TDO2: variants seen among roughly 807,000 people sequenced by gnomAD.
The protein encoded by TDO2 is tryptamin 2,3-dioxygenase.
TDO2 carries 63 observed loss-of-function variants against 61.2 expected under a neutral mutation model. The observed-to-expected ratio is 1.03, with a 90% CI of 0.84 to 1.27. The LOEUF (loss-of-function observed/expected upper bound fraction) is 1.27. Among genes scored for constraint, TDO2 ranks in the 50% most tolerant of loss-of-function variants. The probability of loss-of-function intolerance (pLI) is 0.00; values close to 1 mark genes in which losing one functional copy is unlikely to be tolerated. For synonymous variants in TDO2, 183 were observed against 164.0 expected (o/e 1.12, Z -0.89); for missense variants, 494 against 469.5 (o/e 1.05, Z -0.48).
chr4:155,906,282 C>T (rs1277671783), intron 3 of TDO2: 1 of 152,142 alleles, frequency 6.6e-6, no homozygotes, highest in East Asian at 1.9e-4. Flanking sequence ...TATAAAAACA[C>T]TTTTCTTCTA....
Position 155,918,148 on chromosome 4 carries a change from G to A in TDO2, c.977-1G>A. 6.2e-7 allele frequency: 1 copy of A among 1,613,172 alleles called. No individual in the cohort carries two copies. Among genetic ancestry groups the A allele is most frequent in the Non-Finnish European group, 8.5e-7 (1 of 1,179,650 alleles). On this transcript the variant is annotated splice_acceptor_variant, in intron 10 of 11. Coordinates refer to ENST00000536354, the MANE Select transcript of TDO2 (RefSeq NM_005651.4). LOFTEE classifies it high-confidence loss of function. ...TGGAGTAAATTTGTATGTTTGCCTAGATAACCATGTGTGCATGGTGCACAG... is the reference window on the plus strand; with the variant it reads ...TGGAGTAAATTTGTATGTTTGCCTAAATAACCATGTGTGCATGGTGCACAG...
At chr4:155,917,877 C>A (rs1428066169) in intron 10 of TDO2, among the ~76,000 whole-genome samples, 1 of 152,018 alleles carries the variant, frequency 6.6e-6, no homozygotes, top group Non-Finnish European at 1.5e-5. Flanking sequence ...GGCATGGACT[C>A]ATGAGTCATA....
intron 8 of TDO2, among the ~76,000 whole-genome samples, 169 bp from the exon 9 acceptor site, chr4:155,915,686 T>A (rs1258084048): frequency 1.3e-5 from 2 of 152,230 alleles, no homozygotes; most frequent in Non-Finnish European, 2.9e-5. Flanking sequence ...AATTGTATTT[T>A]AAGTGATATG....
Position 155,905,163 on chromosome 4 carries a change from T to C in TDO2, c.232+6T>C. On this transcript the variant is annotated splice_donor_region_variant and intron_variant, in intron 3 of 11. Coordinates refer to ENST00000536354, the MANE Select transcript of TDO2 (RefSeq NM_005651.4). ...TTTTATCATAACTCATCAAGGTAAGTTGCACAAAGGTTTTGGACAATATTC... is the reference window on the plus strand; with the variant it reads ...TTTTATCATAACTCATCAAGGTAAGCTGCACAAAGGTTTTGGACAATATTC... 1 of 1,571,018 alleles carries C rather than the reference T, an allele frequency of 6.4e-7. No homozygotes were observed. The highest frequency in any genetic ancestry group is 8.6e-7 in the Non-Finnish European group (1 of 1,159,816).
chr4:155,912,881 C>T (rs965765066), intron 7 of TDO2, among the ~76,000 whole-genome samples: 3 of 152,064 alleles, frequency 2.0e-5, no homozygotes, highest in African/African-American at 7.2e-5. Flanking sequence ...ACTCTTGTAC[C>T]AACATTGTCT....
intron 4 of TDO2, among the ~76,000 whole-genome samples, chr4:155,908,230 G>A (rs1560775742): frequency 6.6e-6 from 1 of 152,196 alleles, no homozygotes; most frequent in East Asian, 1.9e-4. Context: ...AGAAAAGGGG[G>A]AAAAGGGGAA....
chr4:155,905,210 A>G, intron 3 of TDO2, 53 bp downstream of exon 3: 1 of 1,297,688 alleles, frequency 7.7e-7, no homozygotes, highest in South Asian at 1.4e-5. Flanking sequence ...CTCATTGATA[A>G]CGAGGAAAGC....
chr4:155,904,340 AAGAGC>A lies in TDO2; in HGVS notation c.141+222_141+226del, dbSNP rs1358070403. 5.9e-5 allele frequency among the ~76,000 whole-genome samples: 9 copies of A among 152,352 alleles called. 1 individual carries two copies. In the South Asian group the frequency reaches 1.9e-3, roughly 32 times the overall value. ...TAAAATTCATATCTCCAGTGGAAGTAAGAGCAGAGAATCCAGAATCTGGGAGGCGT... is the reference window on the plus strand; with the variant it reads ...TAAAATTCATATCTCCAGTGGAAGTAAGAGAATCCAGAATCTGGGAGGCGT... On this transcript the variant is annotated intron_variant, in intron 2 of 11. Coordinates refer to ENST00000536354, the MANE Select transcript of TDO2 (RefSeq NM_005651.4).
At chr4:155,914,808 A>C (rs1252232687) in intron 8 of TDO2, among the ~76,000 whole-genome samples, 1 of 152,192 alleles carries the variant, frequency 6.6e-6, no homozygotes, top group African/African-American at 2.4e-5. Flanking sequence ...GAGAGCAAGT[A>C]TTGATGTCGC....
intron 11 of TDO2, 141 bp from the exon 12 acceptor site, chr4:155,919,696 A>G (rs1743008439): frequency 7.6e-6 from 5 of 657,684 alleles, no homozygotes; most frequent in Non-Finnish European, 1.2e-5. Context: ...CTAATTTAAT[A>G]TATGATATAT....
At chr4:155,908,842 A>C (rs1426438172) in intron 4 of TDO2, 45 bp from the exon 5 acceptor site, 1 of 1,553,332 alleles carries the variant, frequency 6.4e-7, no homozygotes. Flanking sequence ...TGTATTTTCT[A>C]GAGGTCAGCA....
chr4:155,920,327 T>G lies in TDO2; in HGVS notation c.*337T>G. ...AACTTCATCTATTTCAAATATTTTA[T>G]GCAGTACATTATATTATTCTGTACA... On this transcript the variant is annotated 3_prime_UTR_variant, in exon 12 of 12. Coordinates refer to ENST00000536354, the MANE Select transcript of TDO2 (RefSeq NM_005651.4). The G allele has an allele frequency of 3.9e-6, 1 of 256,016 alleles. No homozygotes were observed. Among genetic ancestry groups the G allele is most frequent in the South Asian group, 5.6e-5 (1 of 18,002 alleles). The allele number at this position is 256,016 out of a possible 1,614,324, so 15.9% of individuals were successfully genotyped here.
chr4:155,903,945 T>G, intron 1 of TDO2, 73 bp from the exon 2 acceptor site: 1 of 1,490,576 alleles, frequency 6.7e-7, no homozygotes, highest in Non-Finnish European at 9.3e-7. Context: ...ATGAGAATTT[T>G]AATCACCCAT....
intron 4 of TDO2, among the ~76,000 whole-genome samples, chr4:155,908,185 G>A (rs1579326551): frequency 2.0e-5 from 3 of 152,112 alleles, no homozygotes; most frequent in Non-Finnish European, 4.4e-5. Context: ...GAAGGAGGCA[G>A]TAGAGAAAGA....
rs1429580267 is a variant in TDO2 at position 155,903,807 on chromosome 4, T to C, written c.35+14T>C. 1 of 1,614,016 alleles carries C rather than the reference T, an allele frequency of 6.2e-7. No individual in the cohort carries two copies. The highest frequency in any genetic ancestry group is 8.5e-7 in the Non-Finnish European group (1 of 1,180,002). Reference sequence around the variant, plus strand: ...AAACAACTTTGGGTGAGTATTTACCTTTATTCTAAGTGGGTTTTGGCTTTT... The same window carrying C: ...AAACAACTTTGGGTGAGTATTTACCCTTATTCTAAGTGGGTTTTGGCTTTT... On this transcript the variant is annotated intron_variant, in intron 1 of 11. Coordinates refer to ENST00000536354, the MANE Select transcript of TDO2 (RefSeq NM_005651.4).
In TDO2 at chr4:155,914,399, T is replaced by A. The variant is rs183229581; in HGVS notation, c.803T>A (p.Phe268Tyr). ...QKQKEVLLSL[F>Y]DEKRHEHLLS... ...CAAAAAGAGGTGCTACTGTCCTTAT[T>A]TGATGAGAAACGTCATGAACATCTC... The change falls in exon 8 of 12, where the codon TTT becomes TAT. Residue 268 changes from phenylalanine to tyrosine, a missense_variant. Coordinates refer to ENST00000536354, the MANE Select transcript of TDO2 (RefSeq NM_005651.4). 1.2e-4 allele frequency: 200 copies of A among 1,601,810 alleles called. No homozygotes were observed. In the East Asian group the frequency reaches 4.1e-3, roughly 33 times the overall value.
chr4:155,907,774 G>A lies in TDO2; in HGVS notation c.285G>A (p.Glu95=), dbSNP rs1260011615. 2 of 1,613,154 alleles carry A rather than the reference G, an allele frequency of 1.2e-6. No individual in the cohort carries two copies. The highest frequency in any genetic ancestry group is 2.7e-5 in the African/African-American group (2 of 74,888). Residue 95 remains glutamate, a synonymous_variant, in exon 4 of 12, where the codon GAG becomes GAA. Coordinates refer to ENST00000536354, the MANE Select transcript of TDO2 (RefSeq NM_005651.4). ...QILWELDSVR[E]IFQNGHVRDE... ...TCTGGGAGTTGGATTCTGTTCGAGA[G>A]ATCTTTCAGAATGGCCATGTAAGTT...
chr4:155,912,143 A>G (rs1742846257), intron 7 of TDO2, among the ~76,000 whole-genome samples: 1 of 152,188 alleles, frequency 6.6e-6, no homozygotes, highest in Non-Finnish European at 1.5e-5. Flanking sequence ...TAGTGCTGAA[A>G]GCATAGACTT....
chr4:155,909,069 T>C, intron 5 of TDO2, 55 bp downstream of exon 5: 15 of 1,520,220 alleles, frequency 9.9e-6, no homozygotes, highest in Non-Finnish European at 1.2e-5. Flanking sequence ...CTCATTTTGG[T>C]GGGGTAAAAG....
Sources: gnomAD v4.1 joint callset for allele counts (sites outside exome capture counted in the v4.1 genomes callset) on GRCh38, gnomAD v4.1.1 for gene constraint, MANE v1.5 for transcripts, NCBI Gene and HGNC (gene_info 2026-07-23, HGNC 2026-07-21) for gene names.